The following RALYL variants were observed in gnomAD, a reference collection of about 807,000 sequenced individuals.
The protein encoded by RALYL is RALY RNA binding protein like.
RALYL carries 29 observed loss-of-function variants against 35.1 expected under a neutral mutation model. That is an observed-to-expected ratio of 0.83 (90% CI 0.61 to 1.13). RALYL has a LOEUF of 1.13. Among genes scored for constraint, RALYL ranks in the 50% most tolerant of loss-of-function variants. RALYL has a pLI of 0.00. For missense variants in RALYL, 359 were observed against 360.4 expected (o/e 1.00, Z 0.03); for synonymous variants, 120 against 127.6 (o/e 0.94, Z 0.40).
intron 1 of RALYL, among the ~76,000 whole-genome samples, chr8:84,387,898 G>C (rs1859613949): frequency 6.6e-6 from 1 of 151,198 alleles, no homozygotes; most frequent in African/African-American, 2.4e-5. Flanking sequence ...CAATGTGCAG[G>C]TTAGTTACAT....
intron 1 of RALYL, among the ~76,000 whole-genome samples, chr8:84,232,283 C>T (rs2131444841): frequency 6.6e-6 from 1 of 152,134 alleles, no homozygotes; most frequent in South Asian, 2.1e-4. Context: ...TATGAAATAA[C>T]ATATACATGG....
At chr8:84,376,373 T>C (rs1303383344) in intron 1 of RALYL, among the ~76,000 whole-genome samples, 1 of 151,946 alleles carries the variant, frequency 6.6e-6, no homozygotes, top group South Asian at 2.1e-4. Flanking sequence ...AATAAAATTG[T>C]ATAGAAGTTT....
intron 1 of RALYL, among the ~76,000 whole-genome samples, chr8:84,280,959 G>A (rs963842351): frequency 2.0e-5 from 3 of 152,118 alleles, no homozygotes; most frequent in Non-Finnish European, 2.9e-5. Context: ...ACTCTGTGAT[G>A]TTGTGAGCCT....
chr8:84,761,412 A>G (rs1209846763), intron 2 of RALYL, among the ~76,000 whole-genome samples: 2 of 152,094 alleles, frequency 1.3e-5, no homozygotes, highest in African/African-American at 4.8e-5. Flanking sequence ...GAGTCAACCT[A>G]AATTTGTTTT....
In RALYL at chr8:84,822,947, C is replaced by T. The variant is rs80229004; in HGVS notation, c.365+18145C>T. 4.4e-3 allele frequency among the ~76,000 whole-genome samples: 672 copies of T among 152,098 alleles called. 2 individuals are homozygous for T. Among genetic ancestry groups the T allele is most frequent in the South Asian group, 0.012 (56 of 4,820 alleles). On this transcript the variant is annotated intron_variant, in intron 4 of 8. Transcript: ENST00000521268. The stretch of plus-strand genomic sequence containing the variant: ...TTTATTCAGTGCAAAATTCCATTTA[C>T]GTTATATTGGTAGATGCAAAGCAAG...
At chr8:84,401,426 A>C (rs905648233) in intron 1 of RALYL, among the ~76,000 whole-genome samples, 3 of 151,938 alleles carry the variant, frequency 2.0e-5, no homozygotes, top group East Asian at 1.9e-4. Flanking sequence ...TCACGAGGTC[A>C]GGAGATCGAG....
intron 1 of RALYL, among the ~76,000 whole-genome samples, chr8:84,416,569 T>G (rs1252024634): frequency 2.1e-5 from 3 of 142,872 alleles, no homozygotes; most frequent in African/African-American, 3.0e-5. Context: ...ATTTGAAACC[T>G]TTTTTTTTCA....
intron 3 of RALYL, among the ~76,000 whole-genome samples, chr8:84,795,041 G>T (rs1164043555): frequency 6.6e-6 from 1 of 152,106 alleles, no homozygotes; most frequent in Non-Finnish European, 1.5e-5. Flanking sequence ...CTTACCAAGG[G>T]GCTTGATGAT....
intron 1 of RALYL, among the ~76,000 whole-genome samples, chr8:84,234,779 T>A (rs971827836): frequency 2.0e-5 from 3 of 151,894 alleles, no homozygotes; most frequent in African/African-American, 4.8e-5. Flanking sequence ...ATTTTTTTTT[T>A]TTTGAGATGG....
chr8:84,570,359 G>A (rs1393970147), intron 2 of RALYL, among the ~76,000 whole-genome samples: 1 of 151,420 alleles, frequency 6.6e-6, no homozygotes. Context: ...ATGGGATTGA[G>A]TTCTTGATTT....
At chr8:84,807,919 T>C (rs1425604898) in intron 4 of RALYL, among the ~76,000 whole-genome samples, 5 of 152,234 alleles carry the variant, frequency 3.3e-5, no homozygotes, top group African/African-American at 1.2e-4. Flanking sequence ...ATATTAGTCC[T>C]TTGTTAGATG....
chr8:84,459,311 G>T (rs1015364267), intron 1 of RALYL, among the ~76,000 whole-genome samples: 1 of 151,710 alleles, frequency 6.6e-6, no homozygotes, highest in Non-Finnish European at 1.5e-5. Flanking sequence ...GAAACTTGAA[G>T]AACTAGGAGG....
At chr8:84,344,823 C>T (rs1421930033) in intron 1 of RALYL, among the ~76,000 whole-genome samples, 2 of 152,040 alleles carry the variant, frequency 1.3e-5, no homozygotes, top group African/African-American at 4.8e-5. Flanking sequence ...GCTTATTTCA[C>T]TCAACATAAT....
intron 1 of RALYL, among the ~76,000 whole-genome samples, chr8:84,514,159 CCTAT>C (rs1395937218): frequency 7.6e-6 from 1 of 131,384 alleles, no homozygotes. Context: ...TACCTAAATA[CCTAT>C]GTTGTGACAC....
At chr8:84,274,793 A>G (rs547572476) in intron 1 of RALYL, among the ~76,000 whole-genome samples, 10 of 152,314 alleles carry the variant, frequency 6.6e-5, no homozygotes, top group Admixed American at 2.6e-4. Flanking sequence ...ATAAATGTCT[A>G]GAACTCTGCC....
chr8:84,373,843 G>A (rs910673313), intron 1 of RALYL, among the ~76,000 whole-genome samples: 10 of 151,864 alleles, frequency 6.6e-5, no homozygotes, highest in Non-Finnish European at 1.2e-4. Context: ...ATCCATGAGC[G>A]TGGAATGCTT....
At chr8:84,197,296 T>TC (rs1486515082) in intron 1 of RALYL, among the ~76,000 whole-genome samples, 5 of 152,166 alleles carry the variant, frequency 3.3e-5, no homozygotes, top group Non-Finnish European at 7.3e-5. Context: ...CTACACAGCC[T>TC]CATTTTCTTC....
intron 5 of RALYL, among the ~76,000 whole-genome samples, chr8:84,853,827 A>G (rs1054553791): frequency 3.3e-5 from 5 of 151,312 alleles, no homozygotes; most frequent in African/African-American, 1.2e-4. Flanking sequence ...GTCTTCTTGC[A>G]TTTGTGTTTT....
chr8:84,389,313 C>T (rs1458026041), intron 1 of RALYL, among the ~76,000 whole-genome samples: 1 of 152,072 alleles, frequency 6.6e-6, no homozygotes, highest in East Asian at 1.9e-4. Flanking sequence ...TTAGGATTGA[C>T]TTGGCAATGC....
Sources: gnomAD v4.1 joint callset for allele counts (sites outside exome capture counted in the v4.1 genomes callset) on GRCh38, gnomAD v4.1.1 for gene constraint, MANE v1.5 for transcripts, NCBI Gene and HGNC (gene_info 2026-07-23, HGNC 2026-07-21) for gene names.